Variants in FAM76A observed in about 807,000 individuals in gnomAD.
FAM76A encodes protein FAM76A.
FAM76A carries 32 observed loss-of-function variants against 46.2 expected under a neutral mutation model. That is an observed-to-expected ratio of 0.69 (90% CI 0.52 to 0.93). The LOEUF (loss-of-function observed/expected upper bound fraction) is 0.93. Among genes scored for constraint, FAM76A ranks in the 40% least tolerant of loss-of-function variants. The pLI, the probability that FAM76A is intolerant of heterozygous loss-of-function variation, is 0.00. For synonymous variants in FAM76A, 137 were observed against 127.0 expected, an observed-to-expected ratio of 1.08 and a Z score of -0.53; for missense variants, 274 against 361.5, an observed-to-expected ratio of 0.76 and a Z score of 1.96.
chr1:27,728,379 G>GTC (rs1323623218), intron 2 of FAM76A, among the ~76,000 whole-genome samples: 3 of 152,076 alleles, frequency 2.0e-5, no homozygotes, highest in African/African-American at 4.8e-5. Context: ...TTGAAACAGA[G>GTC]TCTCTCTCTC....
At chr1:27,758,538 GT>G (rs1355524938) in intron 7 of FAM76A, among the ~76,000 whole-genome samples, 2 of 152,044 alleles carry the variant, frequency 1.3e-5, no homozygotes, top group East Asian at 3.8e-4. Context: ...GTCTTGCTCT[GT>G]TGCCCAGGCT....
chr1:27,758,090 G>A (rs1382161788), intron 7 of FAM76A, among the ~76,000 whole-genome samples: 1 of 151,904 alleles, frequency 6.6e-6, no homozygotes, highest in Non-Finnish European at 1.5e-5. Flanking sequence ...TCTTTATGTT[G>A]TTTTCTGCCA....
chr1:27,759,669 T>G, intron 8 of FAM76A, 42 bp downstream of exon 8: 2 of 1,223,178 alleles, frequency 1.6e-6, no homozygotes, highest in Non-Finnish European at 2.4e-6. Context: ...ATTGTGTACC[T>G]ACCTGGTATA....
chr1:27,738,106 T>C (rs2088086659), intron 4 of FAM76A, among the ~76,000 whole-genome samples: 2 of 152,022 alleles, frequency 1.3e-5, no homozygotes, highest in African/African-American at 2.4e-5. Flanking sequence ...CCTGTGGTAG[T>C]TCCAGCTACC....
chr1:27,731,592 A>G (rs2148566060), intron 2 of FAM76A, among the ~76,000 whole-genome samples: 1 of 152,278 alleles, frequency 6.6e-6, no homozygotes, highest in East Asian at 1.9e-4. Flanking sequence ...GAGAGCACAG[A>G]GTAAGGTTAG....
At chr1:27,749,954 C>T (rs1012201619) in intron 6 of FAM76A, among the ~76,000 whole-genome samples, 7 of 152,190 alleles carry the variant, frequency 4.6e-5, no homozygotes. Context: ...GGTACTTCCT[C>T]TTGTGAGCTG....
intron 4 of FAM76A, chr1:27,740,165 C>T (rs1350500862): frequency 7.5e-6 from 4 of 531,314 alleles, no homozygotes; most frequent in Non-Finnish European, 1.4e-5. Flanking sequence ...TGATGGTGTC[C>T]AAGCTGGAAC....
rs1045439548 is a variant in FAM76A at position 27,761,637 on chromosome 1, A to G, written c.*1056A>G. ...TGTCATACTGGGCTGCTGTCAGAGAATGTTTTTTTACATGAATGAACAGAT... is the reference window on the plus strand; with the variant it reads ...TGTCATACTGGGCTGCTGTCAGAGAGTGTTTTTTTACATGAATGAACAGAT... On this transcript the variant is annotated 3_prime_UTR_variant, in exon 9 of 9. Coordinates refer to ENST00000373954, the MANE Select transcript of FAM76A (RefSeq NM_152660.3). 1.3e-5 allele frequency: 2 copies of G among 152,582 alleles called. No individual in the cohort carries two copies. Among genetic ancestry groups the G allele is most frequent in the African/African-American group, 4.8e-5 (2 of 41,448 alleles). The allele number at this position is 152,582 out of a possible 1,614,324, so 9.5% of individuals were successfully genotyped here. A position where few individuals can be genotyped will look rare whatever the true frequency, so the allele number is the denominator to read the frequency against.
chr1:27,740,323 A>G, intron 4 of FAM76A: 1 of 896,150 alleles, frequency 1.1e-6, no homozygotes, highest in Admixed American at 1.7e-5. Flanking sequence ...ACAGTTGAGT[A>G]TTTGGCACCA....
intron 6 of FAM76A, among the ~76,000 whole-genome samples, chr1:27,754,099 CTTT>C (rs869275641): frequency 6.9e-5 from 6 of 87,524 alleles, no homozygotes; most frequent in Admixed American, 2.6e-4. Flanking sequence ...ACTATCCCTT[CTTT>C]TTTTTTTTTT....
intron 6 of FAM76A, among the ~76,000 whole-genome samples, chr1:27,749,753 G>A (rs1431538315): frequency 6.6e-6 from 1 of 152,196 alleles, no homozygotes; most frequent in Non-Finnish European, 1.5e-5. Context: ...GATCTTGAGA[G>A]GTAAAGACAG....
intron 4 of FAM76A, among the ~76,000 whole-genome samples, chr1:27,738,147 C>T (rs2088087790): frequency 6.6e-6 from 1 of 151,956 alleles, no homozygotes; most frequent in Non-Finnish European, 1.5e-5. Context: ...ATCACTTGAG[C>T]CCAGGAGTTC....
chr1:27,735,904 T>C (rs2088035876), intron 4 of FAM76A, among the ~76,000 whole-genome samples: 2 of 152,364 alleles, frequency 1.3e-5, no homozygotes, highest in South Asian at 4.1e-4. Context: ...TTTACTAATC[T>C]GGTTATACTA....
chr1:27,733,403 G>A (rs1162099220), intron 3 of FAM76A, among the ~76,000 whole-genome samples: 1 of 152,158 alleles, frequency 6.6e-6, no homozygotes, highest in East Asian at 1.9e-4. Context: ...CAGAAATTTG[G>A]AAGCCCTTGC....
intron 7 of FAM76A, among the ~76,000 whole-genome samples, chr1:27,758,239 G>A (rs1489241566): frequency 6.6e-6 from 1 of 152,182 alleles, no homozygotes; most frequent in East Asian, 1.9e-4. Context: ...CACACAGCTA[G>A]TAAATGGCGG....
At chr1:27,727,445 T>A in intron 1 of FAM76A, 27 bp from the exon 2 acceptor site, 1 of 1,608,440 alleles carries the variant, frequency 6.2e-7, no homozygotes, top group Non-Finnish European at 8.5e-7. Flanking sequence ...GACTGCCTTT[T>A]AAAATTATAT....
chr1:27,750,451 T>G (rs977723658), intron 6 of FAM76A, among the ~76,000 whole-genome samples: 2 of 152,228 alleles, frequency 1.3e-5, no homozygotes, highest in African/African-American at 4.8e-5. Context: ...GAAAGGGATG[T>G]GGCACAGGTT....
chr1:27,727,887 A>T (rs989051857), intron 2 of FAM76A, among the ~76,000 whole-genome samples: 1 of 146,548 alleles, frequency 6.8e-6, no homozygotes, highest in African/African-American at 2.6e-5. Context: ...AGCTCACTGC[A>T]ACCCTTCCCT....
Position 27,732,585 on chromosome 1 carries a change from C to T in FAM76A, c.147-18C>T, listed in dbSNP as rs868705605. 4 of 1,599,538 alleles carry T rather than the reference C, an allele frequency of 2.5e-6. No individual in the cohort carries two copies. The highest frequency in any genetic ancestry group is 3.4e-6 in the Non-Finnish European group (4 of 1,169,526). ...CAGATATTCTAAGAAAAGCCTGTGT[C>T]TCTTTCTTCCTTAACAGTAAAACCA... On this transcript the variant is annotated intron_variant, in intron 2 of 8. Coordinates refer to ENST00000373954, the MANE Select transcript of FAM76A (RefSeq NM_152660.3).
Sources: gnomAD v4.1 joint callset for allele counts (sites outside exome capture counted in the v4.1 genomes callset) on GRCh38, gnomAD v4.1.1 for gene constraint, MANE v1.5 for transcripts, NCBI Gene and HGNC (gene_info 2026-07-23, HGNC 2026-07-21) for gene names.